Variants in CTNNA1 observed in about 807,000 individuals in gnomAD.
CTNNA1 encodes the protein catenin alpha-1.
A neutral mutation model predicts 98.4 loss-of-function variants in CTNNA1; 37 were observed. The ratio of observed to expected loss-of-function variants is 0.38; its 90% CI spans 0.29 to 0.49. The LOEUF (loss-of-function observed/expected upper bound fraction) is 0.49, where lower values mean the gene tolerates loss of function less well. Ranked by LOEUF, CTNNA1 falls within the 20% of genes least tolerant of loss-of-function variation. The pLI, the probability that CTNNA1 is intolerant of heterozygous loss-of-function variation, is 0.95. For missense variants in CTNNA1, 761 were observed against 1,147.2 expected (o/e 0.66, Z 4.86); for synonymous variants, 404 against 413.2 (o/e 0.98, Z 0.27).
chr5:138,932,622 A>G lies in CTNNA1; in HGVS notation c.2343A>G (p.Gln781=), dbSNP rs75050399. 3,028 of 1,614,162 alleles carry G rather than the reference A, an allele frequency of 1.9e-3. 56 individuals carry two copies. The African/African-American group carries it at 0.033, about 18-fold the overall frequency. ...AGCAGGACCTGCTGGCCTACCTGCA[A>G]CGCATCGCCCTCTACTGCCACCAGC... ...ACKQDLLAYL[Q]RIALYCHQLN... Residue 781 remains glutamine (Q), a synonymous_variant, in exon 17 of 18, where the codon CAA becomes CAG. Transcript: ENST00000302763.
At chr5:138,754,636 C>G (rs1422321712) in intron 1 of CTNNA1, 2 of 152,118 alleles carry the variant, frequency 1.3e-5, no homozygotes, top group East Asian at 3.9e-4. Flanking sequence ...GTGGGTGTTA[C>G]TTTAAGGAAC....
chr5:138,830,098 C>T (rs981250769), intron 7 of CTNNA1, among the ~76,000 whole-genome samples: 1 of 151,378 alleles, frequency 6.6e-6, no homozygotes, highest in African/African-American at 2.4e-5. Context: ...ACCCAGGAGG[C>T]GGAGCTTTCA....
intron 10 of CTNNA1, among the ~76,000 whole-genome samples, chr5:138,912,392 A>C (rs932854069): frequency 1.3e-5 from 2 of 152,220 alleles, no homozygotes; most frequent in South Asian, 4.1e-4. Context: ...AAGATGAGAG[A>C]GCAAAGGAGA....
chr5:138,762,956 T>C (rs1752532808), intron 1 of CTNNA1, among the ~76,000 whole-genome samples: 1 of 152,212 alleles, frequency 6.6e-6, no homozygotes, highest in African/African-American at 2.4e-5. Flanking sequence ...GCTAATTTTT[T>C]CCCTAGATTG....
At position 138,934,294 on chromosome 5, in the gene CTNNA1, C is replaced by G. The variant is rs1443604407; in HGVS notation, c.*205C>G. 7.4e-6 allele frequency: 4 copies of G among 540,886 alleles called. No homozygotes were observed. The highest frequency in any genetic ancestry group is 1.3e-5 in the Non-Finnish European group (4 of 309,798). 33.5% of individuals were successfully genotyped at this position (540,886 alleles called of 1,614,324 possible). A position where few individuals can be genotyped will look rare whatever the true frequency, so the allele number is the denominator to read the frequency against. On this transcript the variant is annotated 3_prime_UTR_variant, in exon 18 of 18. Transcript: ENST00000302763. ...TTAGAATGCAGGAGCCTACTTCTAG[C>G]TGTATTTTTTGTATGCTTAAATAAA...
At chr5:138,801,287 T>C (rs1757549165) in intron 3 of CTNNA1, among the ~76,000 whole-genome samples, 1 of 152,316 alleles carries the variant, frequency 6.6e-6, no homozygotes, top group African/African-American at 2.4e-5. Flanking sequence ...TGTGCATAAG[T>C]TTTGATTGGT....
At chr5:138,855,611 A>T (rs1763662525) in intron 7 of CTNNA1, among the ~76,000 whole-genome samples, 1 of 152,132 alleles carries the variant, frequency 6.6e-6, no homozygotes, top group Admixed American at 6.5e-5. Flanking sequence ...ACTTGCCAGG[A>T]GGTGTTTGGG....
rs139655691 is a variant in CTNNA1, at chr5:138,924,582, G to C, written c.1619G>C (p.Arg540Pro). The stretch of plus-strand genomic sequence containing the variant: ...GAGAAGGATGTGGATGGCCTGGACC[G>C]CACAGCTGGTGCAATTCGAGGCCGG... ...LQEKDVDGLD[R>P]TAGAIRGRAA... Residue 540 changes from arginine (R) to proline (P), a missense_variant, in exon 12 of 18, where the codon CGC becomes CCC. Arg to Pro is a moderately radical substitution (Grantham distance 103). Coordinates refer to ENST00000302763, the MANE Select transcript of CTNNA1 (RefSeq NM_001903.5). 1 of 1,614,158 alleles carries C rather than the reference G, an allele frequency of 6.2e-7. No individual in the cohort carries two copies. Among genetic ancestry groups the C allele is most frequent in the Non-Finnish European group, 8.5e-7 (1 of 1,180,018 alleles).
chr5:138,812,120 G>C, intron 4 of CTNNA1, 63 bp from the exon 5 acceptor site: 1 of 1,465,048 alleles, frequency 6.8e-7, no homozygotes, highest in Non-Finnish European at 9.3e-7. Context: ...TTCCTAGGAT[G>C]CCATCTTCTT....
chr5:138,753,867 C>A (rs1385226475), intron 1 of CTNNA1: 1 of 161,876 alleles, frequency 6.2e-6, no homozygotes, highest in Non-Finnish European at 1.3e-5. Context: ...ACTTTGTTAC[C>A]GCGGCCTCGG....
At chr5:138,893,449 A>G (rs921914618) in intron 9 of CTNNA1, among the ~76,000 whole-genome samples, 1 of 151,592 alleles carries the variant, frequency 6.6e-6, no homozygotes, top group African/African-American at 2.4e-5. Flanking sequence ...CTTATATTCC[A>G]TCTCATGTTC....
rs28363488 is a variant in CTNNA1, at chr5:138,930,475, G to A, written c.2013G>A (p.Ala671=). The A allele has an allele frequency of 3.3e-3, 5,337 of 1,610,376 alleles. 19 individuals carry two copies. Among genetic ancestry groups the A allele is most frequent in the Admixed American group, 4.5e-3 (268 of 59,546 alleles). Residue 671 remains alanine, a splice_region_variant and synonymous_variant, in exon 15 of 18, where the codon GCG becomes GCA. Transcript: ENST00000302763. ...GCTCTTTGTGCTTCTGATCACAGGC[G>A]ATCATGGCTCAGCTTCCCCAGGAGC... The part of the protein sequence containing the change: ...DQLIAGQSAR[A]IMAQLPQEQK...
At chr5:138,820,124 C>G in intron 5 of CTNNA1, among the ~76,000 whole-genome samples, 1 of 146,000 alleles carries the variant, frequency 6.8e-6, no homozygotes, top group East Asian at 2.1e-4. Flanking sequence ...TATAGCAGTG[C>G]AAGTATGGGC....
chr5:138,776,800 G>A (rs1436331833), intron 1 of CTNNA1, among the ~76,000 whole-genome samples: 1 of 142,134 alleles, frequency 7.0e-6, no homozygotes, highest in African/African-American at 2.7e-5. Context: ...CAGGCGGGGG[G>A]CTGACCCCCC....
chr5:138,847,946 C>T (rs1359636242), intron 7 of CTNNA1, among the ~76,000 whole-genome samples: 1 of 152,106 alleles, frequency 6.6e-6, no homozygotes, highest in Non-Finnish European at 1.5e-5. Flanking sequence ...TTATAATTAC[C>T]TGTGTTTCTA....
intron 3 of CTNNA1, among the ~76,000 whole-genome samples, chr5:138,803,547 C>T (rs1337558806): frequency 1.3e-5 from 2 of 152,172 alleles, no homozygotes; most frequent in Non-Finnish European, 2.9e-5. Context: ...AGCCACTTGT[C>T]TTCTTCGTTG....
At chr5:138,808,520 A>G (rs187975555) in intron 3 of CTNNA1, among the ~76,000 whole-genome samples, 66 of 152,116 alleles carry the variant, frequency 4.3e-4, no homozygotes, top group African/African-American at 1.5e-3. Flanking sequence ...TGGCCTGACA[A>G]ATATGTGGAG....
chr5:138,904,451 A>C lies in CTNNA1; in HGVS notation c.1389+10A>C, dbSNP rs1051113761. The C allele has an allele frequency of 6.2e-7, 1 of 1,611,440 alleles. No individual in the cohort carries two copies. The highest frequency in any genetic ancestry group is 1.3e-5 in the African/African-American group (1 of 74,768). On this transcript the variant is annotated intron_variant, in intron 10 of 17. Coordinates refer to ENST00000302763, the MANE Select transcript of CTNNA1 (RefSeq NM_001903.5). ...AGCCCTCTGTCCTCAGGTAAAGTAC[A>C]ACTGACACTGGTGACAGCATAACCA...
At chr5:138,852,871 G>GCGCACACACACACGCGCGCGCGCACACA (rs869240008) in intron 7 of CTNNA1, among the ~76,000 whole-genome samples, 1 of 151,240 alleles carries the variant, frequency 6.6e-6, no homozygotes, top group South Asian at 2.1e-4. Flanking sequence ...GCGCGCGCGC[G>GCGCACACACACACGCGCGCGCGCACACA]CACACACACA....
Sources: allele counts gnomAD v4.1 joint callset (sites outside exome capture counted in the v4.1 genomes callset), GRCh38; gene constraint gnomAD v4.1.1; transcripts MANE v1.5; gene names NCBI Gene and HGNC (gene_info 2026-07-23, HGNC 2026-07-21).